BRPF3: variants seen among roughly 807,000 people sequenced by gnomAD.
BRPF3 encodes bromodomain and PHD finger-containing protein 3.
Under a neutral mutation model 102.0 loss-of-function variants are expected in BRPF3, and 18 were observed. The observed-to-expected ratio is 0.18, with a 90% CI of 0.12 to 0.26. The LOEUF (loss-of-function observed/expected upper bound fraction) is 0.26, where lower values mean the gene tolerates loss of function less well. Ranked by LOEUF, BRPF3 falls within the 10% of genes least tolerant of loss-of-function variation. BRPF3 has a pLI of 1.00. For synonymous variants in BRPF3, 570 were observed against 614.2 expected (o/e 0.93, Z 1.06); for missense variants, 1,147 against 1,567.8 (o/e 0.73, Z 4.53).
chr6:36,202,317 T>C (rs1677341501), intron 2 of BRPF3, among the ~76,000 whole-genome samples: 1 of 151,356 alleles, frequency 6.6e-6, no homozygotes, highest in Admixed American at 6.6e-5. Context: ...AGGGGGGTGG[T>C]GGTGTGGAGA....
At position 36,211,288 on chromosome 6, in the gene BRPF3, C is replaced by G. The variant is rs1330538272; in HGVS notation, c.2210C>G (p.Ala737Gly). 1 of 1,614,044 alleles carries G rather than the reference C, an allele frequency of 6.2e-7. No homozygotes were observed. The highest frequency in any genetic ancestry group is 2.2e-5 in the East Asian group (1 of 44,892). The stretch of plus-strand genomic sequence containing the variant: ...AACATCCTCATCCCAGAGAACCGGG[C>G]CCATTTGTCCCCAGAGGTGCAGCTG... ...VDNILIPENRAHLSPEVQLKE... is the reference protein window; with the variant it reads ...VDNILIPENRGHLSPEVQLKE... The change falls in exon 7 of 13, where the codon GCC becomes GGC. Residue 737 changes from alanine (A) to glycine (G), a missense_variant. By Grantham distance (60) the Ala-to-Gly change is moderately conservative (BLOSUM62 0). Around this residue, in one of 11 missense-constraint regions of BRPF3, gnomAD observed 109 missense variants for 175.1 expected, o/e 0.62. Coordinates refer to ENST00000357641, the MANE Select transcript of BRPF3 (RefSeq NM_015695.3).
At position 36,232,737 on chromosome 6, in the gene BRPF3, T is replaced by A. The variant is rs937409386; in HGVS notation, c.*2128T>A. On this transcript the variant is annotated 3_prime_UTR_variant, in exon 13 of 13. Transcript: ENST00000357641. ...AAAGTTAATTTTACCTACTATAATA[T>A]GACTGTCTGAAACTTATTTTCTCTC... is the stretch of plus-strand genomic sequence containing the variant. 2.6e-5 allele frequency: 4 copies of A among 152,582 alleles called. No homozygotes were observed. The allele number at this position is 152,582 out of a possible 1,614,324, so 9.5% of individuals were successfully genotyped here. A position where few individuals can be genotyped will look rare whatever the true frequency, so the allele number is the denominator to read the frequency against.
chr6:36,208,844 A>G (rs556699880), intron 4 of BRPF3, among the ~76,000 whole-genome samples: 2 of 152,366 alleles, frequency 1.3e-5, no homozygotes, highest in Non-Finnish European at 2.9e-5. Context: ...ACATTAGGGC[A>G]TATGTAGAAA....
intron 6 of BRPF3, 196 bp from the exon 7 acceptor site, chr6:36,211,062 C>T (rs1438797758): frequency 1.6e-6 from 1 of 633,990 alleles, no homozygotes; most frequent in Non-Finnish European, 2.7e-6. Flanking sequence ...CAGACGTTTC[C>T]CAGATTCTGA....
In BRPF3 at chr6:36,222,151, C is replaced by T. The variant is rs1768567900; in HGVS notation, c.3084-17C>T. 1 of 1,550,074 alleles carries T rather than the reference C, an allele frequency of 6.5e-7. No individual in the cohort carries two copies. On this transcript the variant is annotated splice_polypyrimidine_tract_variant and intron_variant, in intron 9 of 12. Transcript: ENST00000357641. ...GAAATTGCTCATTTCACCCCTCTCTCCCTGCTCTGTGTGCAGTGGTCTGAC... is the reference window on the plus strand; with the variant it reads ...GAAATTGCTCATTTCACCCCTCTCTTCCTGCTCTGTGTGCAGTGGTCTGAC...
chr6:36,205,171 T>C (rs1767862681), intron 3 of BRPF3, among the ~76,000 whole-genome samples: 1 of 152,208 alleles, frequency 6.6e-6, no homozygotes, highest in South Asian at 2.1e-4. Context: ...CCTCAAGACA[T>C]TATACTGCCA....
chr6:36,228,303 G>A (rs973779045), intron 11 of BRPF3, among the ~76,000 whole-genome samples: 2 of 152,206 alleles, frequency 1.3e-5, no homozygotes, highest in Admixed American at 6.5e-5. Flanking sequence ...AGCACCTGCC[G>A]TCTCTGAGCC....
chr6:36,228,642 C>G (rs1332634046), intron 11 of BRPF3, among the ~76,000 whole-genome samples: 1 of 152,078 alleles, frequency 6.6e-6, no homozygotes, highest in Non-Finnish European at 1.5e-5. Context: ...AGCCGTGGTA[C>G]CTAGGGAAGG....
chr6:36,229,078 G>A, intron 12 of BRPF3, 22 bp downstream of exon 12: 1 of 1,610,956 alleles, frequency 6.2e-7, no homozygotes, highest in Non-Finnish European at 8.5e-7. Flanking sequence ...CTGCTGTGAG[G>A]GGGCTGAGGG....
chr6:36,217,483 A>G (rs1446530284), intron 8 of BRPF3, among the ~76,000 whole-genome samples: 2 of 152,196 alleles, frequency 1.3e-5, no homozygotes, highest in Non-Finnish European at 2.9e-5. Flanking sequence ...AGGTTATGTG[A>G]GTCTTTATCT....
intron 8 of BRPF3, 55 bp from the exon 9 acceptor site, chr6:36,217,862 A>G: frequency 6.6e-7 from 1 of 1,518,198 alleles, no homozygotes; most frequent in Non-Finnish European, 9.1e-7. Flanking sequence ...ACCCTGTAGC[A>G]TGTGTTGGGA....
rs763080159 is a variant in BRPF3, at chr6:36,225,355, C to T, written c.3270C>T (p.Tyr1090=). ...VWAKCRGYPS[Y]PALIIDPKMP... ...CCAAGTGCCGAGGCTACCCCTCCTA[C>T]CCTGCCTTGGTGAGTCTGCCCCAGA... The change falls in exon 11 of 13, where the codon TAC becomes TAT. Residue 1090 remains tyrosine, a synonymous_variant. Coordinates refer to ENST00000357641, the MANE Select transcript of BRPF3 (RefSeq NM_015695.3). 17 of 1,610,004 alleles carry T rather than the reference C, an allele frequency of 1.1e-5. No homozygotes were observed. The African/African-American group carries it at 1.1e-4, about 10-fold the overall frequency.
rs1017618714 is a variant in BRPF3 at position 36,225,473 on chromosome 6, G to A, written c.3279+109G>A. 2.7e-5 allele frequency: 26 copies of A among 980,996 alleles called. No homozygotes were observed. The African/African-American group carries it at 3.2e-4, about 12-fold the overall frequency. The allele number at this position is 980,996 out of a possible 1,614,324, so 60.8% of individuals were successfully genotyped here. ...GGTGGGAGTCAGAGTGTCTTTAGCT[G>A]TAGAGGGGAGGGGGGTTTTGCCCCA... On this transcript the variant is annotated intron_variant, in intron 11 of 12. Transcript: ENST00000357641.
chr6:36,205,880 A>G (rs1767888080), intron 3 of BRPF3, among the ~76,000 whole-genome samples: 2 of 152,020 alleles, frequency 1.3e-5, no homozygotes, highest in Admixed American at 1.3e-4. Flanking sequence ...TTCCATGTGG[A>G]TGTTGTTAAT....
At chr6:36,225,905 C>G (rs955572085) in intron 11 of BRPF3, among the ~76,000 whole-genome samples, 2 of 152,162 alleles carry the variant, frequency 1.3e-5, no homozygotes, top group African/African-American at 4.8e-5. Context: ...TCCACTTACT[C>G]TTTTACAAAA....
Position 36,211,335 on chromosome 6 carries a change from G to T in BRPF3, c.2257G>T (p.Asp753Tyr). 1 of 1,614,232 alleles carries T rather than the reference G, an allele frequency of 6.2e-7. No individual in the cohort carries two copies. Among genetic ancestry groups the T allele is most frequent in the Non-Finnish European group, 8.5e-7 (1 of 1,180,044 alleles). ...VQLKELLEKLDLVSAMRSSGA... is the reference protein window; with the variant it reads ...VQLKELLEKLYLVSAMRSSGA... ...GCTGAAGGAGCTGCTGGAGAAACTGGACCTGGTGAGCGCCATGCGGTCCAG... is the reference window on the plus strand; with the variant it reads ...GCTGAAGGAGCTGCTGGAGAAACTGTACCTGGTGAGCGCCATGCGGTCCAG... The change falls in exon 7 of 13, where the codon GAC becomes TAC. Residue 753 changes from aspartate to tyrosine, a missense_variant. This residue lies in a region of BRPF3 where 379 missense variants were observed against 426.3 expected (regional missense o/e 0.89). Transcript: ENST00000357641.
At chr6:36,219,733 GTTGTTTTTCT>G (rs1285123976) in intron 9 of BRPF3, among the ~76,000 whole-genome samples, 1 of 152,188 alleles carries the variant, frequency 6.6e-6, no homozygotes, top group Non-Finnish European at 1.5e-5. Flanking sequence ...AACTGCAAGG[GTTGTTTTTCT>G]TTTTCCCCCC....
chr6:36,218,959 T>C (rs878994531), intron 9 of BRPF3, among the ~76,000 whole-genome samples: 7 of 152,140 alleles, frequency 4.6e-5, no homozygotes, highest in Middle Eastern at 3.2e-3. Context: ...GGGAGGACTC[T>C]TAGAAATGAG....
rs1446014705 is a variant in BRPF3, at chr6:36,213,888, A to G, written c.2491A>G (p.Lys831Glu). ...PEDDGDRDDS[K>E]LPPPPTLEPT... ...CTCTTTTTTTCTAATAGATGACTCCAAACTGCCTCCTCCGCCAACCCTGGA... is the reference window on the plus strand; with the variant it reads ...CTCTTTTTTTCTAATAGATGACTCCGAACTGCCTCCTCCGCCAACCCTGGA... The change falls in exon 8 of 13, where the codon AAA (lysine) becomes GAA (glutamate). Residue 831 changes from lysine to glutamate, a missense_variant. Coordinates refer to ENST00000357641, the MANE Select transcript of BRPF3 (RefSeq NM_015695.3). 1 of 1,599,898 alleles carries G rather than the reference A, an allele frequency of 6.3e-7. No homozygotes were observed. The highest frequency in any genetic ancestry group is 8.5e-7 in the Non-Finnish European group (1 of 1,172,772).
Sources: gnomAD v4.1 joint callset for allele counts (sites outside exome capture counted in the v4.1 genomes callset) on GRCh38, gnomAD v4.1.1 for gene constraint, gnomAD v4.1.1 regional missense constraint, MANE v1.5 for transcripts, NCBI Gene and HGNC (gene_info 2026-07-23, HGNC 2026-07-21) for gene names.